SPATA17: variants seen among roughly 807,000 people sequenced by gnomAD.
SPATA17 encodes the protein spermatogenesis-associated protein 17.
SPATA17 carries 53 observed loss-of-function variants against 62.2 expected under a neutral mutation model. The ratio of observed to expected loss-of-function variants is 0.85; its 90% CI spans 0.68 to 1.07. SPATA17 has a LOEUF of 1.07. Ranked by LOEUF, SPATA17 falls within the 50% of genes least tolerant of loss-of-function variation. SPATA17 has a pLI of 0.00. For synonymous variants in SPATA17, 146 were observed against 146.8 expected (o/e 0.99, Z 0.04); for missense variants, 466 against 425.5 (o/e 1.10, Z -0.84).
chr1:217,654,362 A>G (rs533769038), intron 3 of SPATA17, among the ~76,000 whole-genome samples: 1 of 149,406 alleles, frequency 6.7e-6, no homozygotes, highest in Non-Finnish European at 1.5e-5. Context: ...CTGGTCTCCA[A>G]CTCCTGCCTG....
At chr1:217,773,232 T>C (rs1673498028) in intron 6 of SPATA17, among the ~76,000 whole-genome samples, 1 of 152,114 alleles carries the variant, frequency 6.6e-6, no homozygotes, top group Admixed American at 6.5e-5. Flanking sequence ...ATGAAGTAAA[T>C]GTAGCAAAAA....
intron 5 of SPATA17, among the ~76,000 whole-genome samples, chr1:217,696,326 A>G (rs1185570139): frequency 6.6e-6 from 1 of 152,130 alleles, no homozygotes; most frequent in Non-Finnish European, 1.5e-5. Flanking sequence ...TTCCCAGGTG[A>G]GGCAATGCCT....
chr1:217,771,150 C>T (rs1673434985), intron 6 of SPATA17, among the ~76,000 whole-genome samples: 1 of 151,650 alleles, frequency 6.6e-6, no homozygotes, highest in African/African-American at 2.4e-5. Context: ...AGAGTCCTCT[C>T]CTGAGATTTC....
intron 5 of SPATA17, among the ~76,000 whole-genome samples, chr1:217,706,844 A>ATTTC (rs377685384): frequency 3.3e-4 from 49 of 149,250 alleles, no homozygotes; most frequent in African/African-American, 1.1e-3. Context: ...TTTATTATGT[A>ATTTC]TTTCTTTCTT....
chr1:217,637,464 T>A (rs980974983), intron 1 of SPATA17, among the ~76,000 whole-genome samples: 1 of 152,148 alleles, frequency 6.6e-6, no homozygotes, highest in African/African-American at 2.4e-5. Context: ...AGGGGTACAT[T>A]ACTCTATGGT....
At chr1:217,755,026 A>G (rs905440111) in intron 6 of SPATA17, among the ~76,000 whole-genome samples, 1 of 152,144 alleles carries the variant, frequency 6.6e-6, no homozygotes, top group Non-Finnish European at 1.5e-5. Flanking sequence ...ATAGTCCAAC[A>G]CATGAAATAA....
At chr1:217,766,499 CTTATA>C (rs931877689) in intron 6 of SPATA17, among the ~76,000 whole-genome samples, 76 of 151,986 alleles carry the variant, frequency 5.0e-4, no homozygotes, top group African/African-American at 1.6e-3. Flanking sequence ...CATCCCATCT[CTTATA>C]TTATTATTGT....
At position 217,780,803 on chromosome 1, in the gene SPATA17, G is replaced by A. The variant is rs78230420; in HGVS notation, c.724-1371G>A. 2.8e-3 allele frequency among the ~76,000 whole-genome samples: 428 copies of A among 152,198 alleles called. 4 individuals are homozygous for A. The highest frequency in any genetic ancestry group is 9.8e-3 in the African/African-American group (405 of 41,536). On this transcript the variant is annotated intron_variant, in intron 7 of 10. Coordinates refer to ENST00000366933, the MANE Select transcript of SPATA17 (RefSeq NM_138796.4). ...TACATGGTAAGGGTGTCACATTATC[G>A]TACACATCTTAAGAGAAATTCTGTG...
At chr1:217,835,868 AGTT>A (rs1355338404) in intron 9 of SPATA17, among the ~76,000 whole-genome samples, 2 of 152,090 alleles carry the variant, frequency 1.3e-5, no homozygotes, top group Admixed American at 1.3e-4. Flanking sequence ...TATCTTTTCA[AGTT>A]GTTGCATGTC....
At chr1:217,668,935 G>A (rs1670770232) in intron 3 of SPATA17, 98 bp from the exon 4 acceptor site, 3 of 1,017,478 alleles carry the variant, frequency 2.9e-6, no homozygotes. Context: ...CTCTTATTAT[G>A]TATTATGTAT....
intron 6 of SPATA17, among the ~76,000 whole-genome samples, chr1:217,750,253 T>C (rs796469385): frequency 6.6e-5 from 10 of 151,826 alleles, no homozygotes; most frequent in South Asian, 2.1e-4. Flanking sequence ...TTAGTGAAAA[T>C]TGATAGATTG....
At chr1:217,749,330 C>T (rs960274420) in intron 6 of SPATA17, among the ~76,000 whole-genome samples, 2 of 152,100 alleles carry the variant, frequency 1.3e-5, no homozygotes, top group Non-Finnish European at 1.5e-5. Flanking sequence ...TTGATACTTA[C>T]GGTTGCCAAT....
chr1:217,816,763 AAT>A (rs1310895960), intron 9 of SPATA17, among the ~76,000 whole-genome samples: 2 of 152,100 alleles, frequency 1.3e-5, no homozygotes, highest in African/African-American at 4.8e-5. Flanking sequence ...TAAAAAGATC[AAT>A]ATGTTTTTCC....
intron 9 of SPATA17, among the ~76,000 whole-genome samples, chr1:217,820,607 A>C (rs1177477659): frequency 6.6e-6 from 1 of 151,884 alleles, no homozygotes; most frequent in African/African-American, 2.4e-5. Flanking sequence ...TACAGAGAAG[A>C]ATCCTTGAGT....
At chr1:217,651,303 T>A in intron 3 of SPATA17, 125 bp downstream of exon 3, 1 of 683,272 alleles carries the variant, frequency 1.5e-6, no homozygotes, top group Non-Finnish European at 2.3e-6. Flanking sequence ...AGGACAAAAT[T>A]GGGCTTAATT....
At chr1:217,843,527 A>AT (rs1242785678) in intron 9 of SPATA17, among the ~76,000 whole-genome samples, 1 of 152,022 alleles carries the variant, frequency 6.6e-6, no homozygotes, top group Non-Finnish European at 1.5e-5. Context: ...TGGACAGTAC[A>AT]TTTTTTGAGG....
chr1:217,809,430 G>A (rs780038063), intron 9 of SPATA17, among the ~76,000 whole-genome samples: 15 of 152,244 alleles, frequency 9.9e-5, no homozygotes, highest in Middle Eastern at 3.4e-3. Flanking sequence ...TTTAGCTCAC[G>A]GTTATGGAGT....
chr1:217,716,883 A>G (rs547413211), intron 5 of SPATA17, among the ~76,000 whole-genome samples: 2 of 152,344 alleles, frequency 1.3e-5, no homozygotes, highest in South Asian at 4.1e-4. Flanking sequence ...TATCTCGTCT[A>G]TCCACACAAA....
At chr1:217,766,777 C>T (rs532993410) in intron 6 of SPATA17, among the ~76,000 whole-genome samples, 1 of 150,552 alleles carries the variant, frequency 6.6e-6, no homozygotes, top group African/African-American at 2.4e-5. Flanking sequence ...TCACGGGGCA[C>T]ACATGCAGGT....
Sources: allele counts gnomAD v4.1 joint callset (sites outside exome capture counted in the v4.1 genomes callset), GRCh38; gene constraint gnomAD v4.1.1; transcripts MANE v1.5; gene names NCBI Gene and HGNC (gene_info 2026-07-23, HGNC 2026-07-21).